Variants in DISP1 observed in about 807,000 individuals in gnomAD.
DISP1 encodes the protein protein dispatched homolog 1.
DISP1 carries 30 observed loss-of-function variants against 37.3 expected under a neutral mutation model. The ratio of observed to expected loss-of-function variants is 0.80; its 90% CI spans 0.60 to 1.09. DISP1 has a LOEUF of 1.09. Among genes scored for constraint, DISP1 ranks in the 50% least tolerant of loss-of-function variants. DISP1 has a pLI of 0.00. For missense variants in DISP1, 1,598 were observed against 1,879.5 expected, an observed-to-expected ratio of 0.85 and a Z score of 2.77; for synonymous variants, 634 against 690.2, an observed-to-expected ratio of 0.92 and a Z score of 1.28.
chr1:222,984,431 T>TAA (rs1678098735), intron 4 of DISP1, among the ~76,000 whole-genome samples: 3 of 112,722 alleles, frequency 2.7e-5, no homozygotes, highest in Non-Finnish European at 5.3e-5. Flanking sequence ...AATATATATA[T>TAA]ATATAGAGAG....
chr1:222,923,452 G>A (rs570348438), intron 1 of DISP1, among the ~76,000 whole-genome samples: 3 of 152,188 alleles, frequency 2.0e-5, no homozygotes, highest in East Asian at 1.9e-4. Context: ...ACCTTATTGG[G>A]GAGCAAAGAT....
intron 1 of DISP1, among the ~76,000 whole-genome samples, chr1:222,826,272 G>A (rs528326062): frequency 6.6e-6 from 1 of 151,472 alleles, no homozygotes; most frequent in Non-Finnish European, 1.5e-5. Context: ...CAGCAGCAGT[G>A]TAGTGTAGAA....
chr1:222,896,457 T>C (rs1419480330), intron 1 of DISP1, among the ~76,000 whole-genome samples: 1 of 151,886 alleles, frequency 6.6e-6, no homozygotes, highest in Non-Finnish European at 1.5e-5. Flanking sequence ...AAAAATTAGC[T>C]GGGTGTGCTG....
chr1:222,955,032 G>C (rs529991064), intron 3 of DISP1, among the ~76,000 whole-genome samples: 1 of 151,752 alleles, frequency 6.6e-6, no homozygotes, highest in Non-Finnish European at 1.5e-5. Flanking sequence ...ATACATTCTA[G>C]TTAGTCCAAG....
At position 223,004,420 on chromosome 1, in the gene DISP1, T is replaced by A; in HGVS notation, c.3023T>A (p.Ile1008Lys). 6.2e-7 allele frequency: 1 copy of A among 1,614,216 alleles called. No homozygotes were observed. Residue 1008 changes from isoleucine (I) to lysine (K), a missense_variant, in exon 9 of 9, where the codon ATA becomes AAA. Transcript: ENST00000675850. The surrounding 1 kb of genome is among the most constrained non-coding windows in gnomAD (Gnocchi z 4.9). ...CTGCTGACAACTTGGAACATCATCA[T>A]AAGCCTTTATGCCATCATTTCAATT... ...VMLLTTWNII[I>K]SLYAIISIAG... is the part of the protein sequence containing the mutation.
In DISP1 at chr1:223,005,916, G is replaced by A. The variant is rs1558088454; in HGVS notation, c.4519G>A (p.Ala1507Thr). The A allele has an allele frequency of 1.9e-6, 3 of 1,614,134 alleles. No individual in the cohort carries two copies. Among genetic ancestry groups the A allele is most frequent in the Non-Finnish European group, 2.5e-6 (3 of 1,180,042 alleles). The part of the protein sequence containing the change: ...QMPNMEANVP[A>T]VLTHSELSGE... Reference sequence around the variant, plus strand: ...GCCAAACATGGAAGCCAATGTGCCTGCTGTATTAACACACTCGGAACTTTC... The same window carrying A: ...GCCAAACATGGAAGCCAATGTGCCTACTGTATTAACACACTCGGAACTTTC... The change falls in exon 9 of 9, where the codon GCT (alanine) becomes ACT (threonine). Residue 1507 changes from alanine (A) to threonine (T), a missense_variant. Ala to Thr is a moderately conservative substitution (Grantham distance 58). Transcript: ENST00000675850.
At chr1:222,903,004 A>G (rs558198992) in intron 1 of DISP1, among the ~76,000 whole-genome samples, 14 of 152,126 alleles carry the variant, frequency 9.2e-5, no homozygotes, top group Admixed American at 5.2e-4. Flanking sequence ...ACGCACACGT[A>G]TGTTTGTTGC....
At chr1:222,847,813 A>G (rs1668001525) in intron 1 of DISP1, among the ~76,000 whole-genome samples, 1 of 152,172 alleles carries the variant, frequency 6.6e-6, no homozygotes, top group South Asian at 2.1e-4. Context: ...GAATTAGCCC[A>G]ATGGTTAAAA....
At chr1:222,819,533 CATAT>C (rs1243979612) in intron 1 of DISP1, among the ~76,000 whole-genome samples, 3 of 142,508 alleles carry the variant, frequency 2.1e-5, no homozygotes, top group South Asian at 2.2e-4. Context: ...CACACACACA[CATAT>C]CTTTTTTTTT....
At chr1:222,831,245 C>T (rs1161334378) in intron 1 of DISP1, among the ~76,000 whole-genome samples, 1 of 152,142 alleles carries the variant, frequency 6.6e-6, no homozygotes, top group Non-Finnish European at 1.5e-5. Flanking sequence ...TAAGTTACTA[C>T]CCCATTTTAA....
chr1:222,823,688 T>G lies in DISP1; in HGVS notation c.-159+8610T>G, dbSNP rs571332019. Among the ~76,000 whole-genome samples, 6 of 152,040 alleles carry G rather than the reference T, an allele frequency of 3.9e-5. 1 individual carries two copies. The highest frequency in any genetic ancestry group is 1.4e-4 in the African/African-American group (6 of 41,528). ...ATGCAAATAAATAAAAATAAATAAG[T>G]AAAAAGCAAAAAAGTATATGTGTTT... is the stretch of plus-strand genomic sequence containing the variant. On this transcript the variant is annotated intron_variant, in intron 1 of 8. Coordinates refer to ENST00000675850, the MANE Select transcript of DISP1 (RefSeq NM_001377229.1).
intron 1 of DISP1, among the ~76,000 whole-genome samples, chr1:222,848,767 G>T (rs1452518372): frequency 6.6e-6 from 1 of 152,110 alleles, no homozygotes; most frequent in African/African-American, 2.4e-5. Context: ...TAAATAACAT[G>T]CAGGGGCTAA....
chr1:223,003,791 T>G lies in DISP1; in HGVS notation c.2394T>G (p.Asn798Lys), dbSNP rs952130070. Residue 798 changes from asparagine (N) to lysine (K), a missense_variant, in exon 9 of 9, where the codon AAT becomes AAG. Transcript: ENST00000675850. This position sits in a 1 kb window ranked among gnomAD's most constrained non-coding sequence, Gnocchi z 4.3. ...TCTGGGGCGTGTCCCCAGAAGACAA[T>G]GGCAACCCACTAAATCCCAAGAGTA... Reference protein sequence around the residue: ...TVIWGVSPEDNGNPLNPKSKG... With the variant: ...TVIWGVSPEDKGNPLNPKSKG... 2 of 1,614,146 alleles carry G rather than the reference T, an allele frequency of 1.2e-6. No individual in the cohort carries two copies. The highest frequency in any genetic ancestry group is 1.7e-6 in the Non-Finnish European group (2 of 1,180,024).
intron 8 of DISP1, among the ~76,000 whole-genome samples, chr1:222,997,147 T>C (rs1679134966): frequency 6.6e-6 from 1 of 151,424 alleles, no homozygotes; most frequent in African/African-American, 2.4e-5. Flanking sequence ...CAGAAAAGCA[T>C]ATGCAAAGGA....
At chr1:222,931,797 G>T (rs752607608) in intron 2 of DISP1, among the ~76,000 whole-genome samples, 21 of 150,370 alleles carry the variant, frequency 1.4e-4, no homozygotes, top group Non-Finnish European at 8.9e-5. Context: ...ACTTTTTCTT[G>T]AGTGTTAAAT....
At chr1:222,923,215 G>A (rs965918546) in intron 1 of DISP1, among the ~76,000 whole-genome samples, 2 of 152,134 alleles carry the variant, frequency 1.3e-5, no homozygotes, top group Non-Finnish European at 1.5e-5. Context: ...GAGTGAGACA[G>A]AGTAAAGAGA....
chr1:222,985,657 G>T (rs1678223568), intron 4 of DISP1, among the ~76,000 whole-genome samples: 1 of 152,022 alleles, frequency 6.6e-6, no homozygotes, highest in South Asian at 2.1e-4. Flanking sequence ...CTCGGGGTGG[G>T]GGAAAGAAAA....
chr1:222,837,290 T>A, intron 1 of DISP1: 3 of 387,178 alleles, frequency 7.7e-6, no homozygotes, highest in Non-Finnish European at 1.4e-5. Flanking sequence ...CTGGCTAGTC[T>A]GGGTTCCCTG....
At position 222,863,667 on chromosome 1, in the gene DISP1, C is replaced by T. The variant is rs546904778; in HGVS notation, c.-159+48589C>T. 1.5e-4 allele frequency among the ~76,000 whole-genome samples: 23 copies of T among 152,120 alleles called. 1 individual carries two copies. The highest frequency in any genetic ancestry group is 3.4e-3 in the Middle Eastern group (1 of 294). On this transcript the variant is annotated intron_variant, in intron 1 of 8. Transcript: ENST00000675850. ...TCCACATTTATTAGTTGGCATTTTA[C>T]TCTAAGAAAGACCTTCCCTTTATTT...
Sources: gnomAD v4.1 joint callset for allele counts (sites outside exome capture counted in the v4.1 genomes callset) on GRCh38, gnomAD v4.1.1 for gene constraint, Gnocchi (gnomAD v3.1) non-coding constraint, MANE v1.5 for transcripts, NCBI Gene and HGNC (gene_info 2026-07-23, HGNC 2026-07-21) for gene names.